The following WWOX variants were observed in gnomAD, a reference collection of about 807,000 sequenced individuals.
WWOX encodes WW domain containing oxidoreductase, also known as WW domain-containing oxidoreductase.
In WWOX, 69 loss-of-function variants were observed where a neutral mutation model predicts 46.2. The ratio of observed to expected loss-of-function variants is 1.49; its 90% CI spans 1.23 to 1.82. WWOX has a LOEUF of 1.82. WWOX is among the 40% of genes most tolerant of loss of function. The probability of loss-of-function intolerance (pLI) is 0.00; values close to 1 mark genes in which losing one functional copy is unlikely to be tolerated. For synonymous variants in WWOX, 359 were observed against 202.6 expected (o/e 1.77, Z -6.56); for missense variants, 919 against 542.6 (o/e 1.69, Z -6.89).
chr16:78,153,212 G>A (rs1471664856), intron 4 of WWOX, among the ~76,000 whole-genome samples: 1 of 152,174 alleles, frequency 6.6e-6, no homozygotes, highest in South Asian at 2.1e-4. Flanking sequence ...GGATTAGCTA[G>A]TCATTGCAGA....
intron 8 of WWOX, among the ~76,000 whole-genome samples, chr16:79,098,701 T>G (rs2150623791): frequency 6.6e-6 from 1 of 152,324 alleles, no homozygotes; most frequent in East Asian, 1.9e-4. Flanking sequence ...ACATGTCTAC[T>G]AGGCAGGTCA....
At chr16:79,041,159 T>C (rs1322656593) in intron 8 of WWOX, among the ~76,000 whole-genome samples, 1 of 152,134 alleles carries the variant, frequency 6.6e-6, no homozygotes, top group Non-Finnish European at 1.5e-5. Context: ...AATACAGATA[T>C]TGACCCCATG....
chr16:79,145,118 T>G (rs2050161206), intron 8 of WWOX, among the ~76,000 whole-genome samples: 2 of 152,174 alleles, frequency 1.3e-5, no homozygotes, highest in South Asian at 4.1e-4. Flanking sequence ...TGAAAGGGTA[T>G]TAATCCATTA....
In WWOX at chr16:79,065,680, T is replaced by A. The variant is rs556907100; in HGVS notation, c.1057-145928T>A. On this transcript the variant is annotated intron_variant, in intron 8 of 8. Transcript: ENST00000566780. ...CAGACCCCTCTCCTAATCCTAACCT[T>A]GTGGCCTTTTAGGAGCTTTACAAAG... is the stretch of plus-strand genomic sequence containing the variant. 7.9e-5 allele frequency among the ~76,000 whole-genome samples: 12 copies of A among 152,338 alleles called. 1 individual carries two copies. The highest frequency in any genetic ancestry group is 2.9e-4 in the African/African-American group (12 of 41,580).
intron 8 of WWOX, among the ~76,000 whole-genome samples, chr16:78,475,086 G>C (rs1232685754): frequency 6.6e-6 from 1 of 152,128 alleles, no homozygotes; most frequent in Non-Finnish European, 1.5e-5. Flanking sequence ...ATCTGTGACT[G>C]ATAAAACCAC....
At chr16:78,694,361 C>G (rs958325929) in intron 8 of WWOX, among the ~76,000 whole-genome samples, 3 of 152,288 alleles carry the variant, frequency 2.0e-5, no homozygotes, top group Non-Finnish European at 2.9e-5. Flanking sequence ...AAATACTTGA[C>G]AAAAAGGGCC....
chr16:79,097,821 G>A (rs1177029481), intron 8 of WWOX, among the ~76,000 whole-genome samples: 4 of 152,148 alleles, frequency 2.6e-5, no homozygotes, highest in South Asian at 2.1e-4. Flanking sequence ...CCTTTTGCCC[G>A]TCGATCGCAG....
At chr16:78,229,603 C>G (rs955356069) in intron 5 of WWOX, among the ~76,000 whole-genome samples, 1 of 151,144 alleles carries the variant, frequency 6.6e-6, no homozygotes, top group Non-Finnish European at 1.5e-5. Context: ...TAGCTTGAGG[C>G]GATGGTAGTT....
chr16:79,023,629 C>G (rs1259793348), intron 8 of WWOX, among the ~76,000 whole-genome samples: 1 of 152,040 alleles, frequency 6.6e-6, no homozygotes, highest in Non-Finnish European at 1.5e-5. Context: ...GGATGAACCT[C>G]AAACATTACG....
At chr16:78,612,893 G>C (rs116526333) in intron 8 of WWOX, among the ~76,000 whole-genome samples, 153 of 152,310 alleles carry the variant, frequency 1.0e-3, no homozygotes, top group African/African-American at 3.4e-3. Flanking sequence ...GGTAACATGA[G>C]TGCTCAAGAA....
intron 5 of WWOX, among the ~76,000 whole-genome samples, chr16:78,217,267 A>G (rs1251256538): frequency 6.6e-6 from 1 of 152,176 alleles, no homozygotes; most frequent in East Asian, 1.9e-4. Context: ...GCCTTGCAGG[A>G]TATGTGGAGT....
At chr16:78,391,284 T>C (rs1328110390) in intron 6 of WWOX, among the ~76,000 whole-genome samples, 1 of 152,200 alleles carries the variant, frequency 6.6e-6, no homozygotes, top group Non-Finnish European at 1.5e-5. Context: ...GTTTGTTTTA[T>C]GCAAGGCAGT....
At chr16:78,497,966 G>T (rs1317093666) in intron 8 of WWOX, among the ~76,000 whole-genome samples, 1 of 152,096 alleles carries the variant, frequency 6.6e-6, no homozygotes, top group Non-Finnish European at 1.5e-5. Context: ...ACTTTGGGAG[G>T]CCGAGGTGGG....
At chr16:78,538,277 C>G (rs941102842) in intron 8 of WWOX, among the ~76,000 whole-genome samples, 2 of 141,532 alleles carry the variant, frequency 1.4e-5, no homozygotes, top group East Asian at 2.1e-4. Flanking sequence ...ATGTTCATAT[C>G]ACATTATTTT....
In WWOX at chr16:78,404,993, C is replaced by T. The variant is rs374921228; in HGVS notation, c.605+18045C>T. ...GGATGCATTTTCCCTAGAAAACCAT[C>T]TTGGAGAGCATGTGGATGTACTTCT... On this transcript the variant is annotated intron_variant, in intron 6 of 8. Transcript: ENST00000566780. Among the ~76,000 whole-genome samples the T allele has an allele frequency of 1.5e-4, 23 of 152,300 alleles. No individual in the cohort carries two copies. The South Asian group carries it at 3.9e-3, about 26-fold the overall frequency.
chr16:78,488,146 G>C (rs1038844788), intron 8 of WWOX, among the ~76,000 whole-genome samples: 5 of 152,178 alleles, frequency 3.3e-5, no homozygotes, highest in African/African-American at 9.7e-5. Flanking sequence ...GGACTTGAAA[G>C]GTTCCTGCTA....
intron 8 of WWOX, among the ~76,000 whole-genome samples, chr16:78,932,172 G>C (rs1281750859): frequency 2.6e-5 from 4 of 152,188 alleles, no homozygotes; most frequent in Admixed American, 6.5e-5. Context: ...CGTCTGAGGG[G>C]CTTGACTCCC....
intron 8 of WWOX, among the ~76,000 whole-genome samples, chr16:78,561,296 G>A (rs111660271): frequency 0.017 from 2,600 of 152,074 alleles, 39 homozygotes; most frequent in Non-Finnish European, 0.027. Context: ...TCTAGGTCTG[G>A]ATTTCAAGGG....
intron 8 of WWOX, among the ~76,000 whole-genome samples, chr16:78,499,236 G>A (rs2084995471): frequency 6.6e-6 from 1 of 151,672 alleles, no homozygotes; most frequent in South Asian, 2.2e-4. Context: ...TTGGGGGGGT[G>A]AGGGGGCGGA....
Sources: gnomAD v4.1 joint callset for allele counts (sites outside exome capture counted in the v4.1 genomes callset) on GRCh38, gnomAD v4.1.1 for gene constraint, MANE v1.5 for transcripts, NCBI Gene and HGNC (gene_info 2026-07-23, HGNC 2026-07-21) for gene names.